Variants in DNM2 observed in about 807,000 individuals in gnomAD.
The protein encoded by DNM2 is dynamin-2.
In DNM2, 15 loss-of-function variants were observed where a neutral mutation model predicts 99.0. That is an observed-to-expected ratio of 0.15 (90% confidence interval 0.10 to 0.23). DNM2 has a LOEUF of 0.23. Among genes scored for constraint, DNM2 ranks in the 10% least tolerant of loss-of-function variants. The pLI, the probability that DNM2 is intolerant of heterozygous loss-of-function variation, is 1.00. For missense variants in DNM2, 742 were observed against 1,189.4 expected (o/e 0.62, Z 5.53); for synonymous variants, 525 against 481.2 (o/e 1.09, Z -1.19).
chr19:10,828,958 G>A (rs948634659), intron 18 of DNM2, 78 bp from the exon 19 acceptor site: 1 of 1,457,574 alleles, frequency 6.9e-7, no homozygotes. Flanking sequence ...CCCTGTGAGA[G>A]ATGTTTTTCC....
rs1438673683 is a variant in DNM2, at chr19:10,801,905, G to A, written c.1423-383G>A. Among the ~76,000 whole-genome samples the A allele has an allele frequency of 7.5e-5, 9 of 120,592 alleles. No homozygotes were observed. In the South Asian group the frequency reaches 2.0e-3, roughly 27 times the overall value. The allele number at this position is 120,592 out of a possible 152,430, so 79.1% of individuals were successfully genotyped here. ...GGGCGACAGAGCAAGACTCCGTCTC[G>A]AAGAAAAAAAAAAAAAAAACAAAAA... is the stretch of plus-strand genomic sequence containing the variant. On this transcript the variant is annotated intron_variant, in intron 11 of 20. Transcript: ENST00000389253.
intron 1 of DNM2, among the ~76,000 whole-genome samples, chr19:10,758,698 C>T (rs2070511319): frequency 6.6e-6 from 1 of 151,382 alleles, no homozygotes; most frequent in Non-Finnish European, 1.5e-5. Context: ...AGGCGTGTGC[C>T]ACCACACTTG....
chr19:10,801,128 A>G (rs1209070141), intron 11 of DNM2, among the ~76,000 whole-genome samples: 1 of 152,076 alleles, frequency 6.6e-6, no homozygotes, highest in Admixed American at 6.5e-5. Context: ...CAACACGGTG[A>G]AAACCCGTCT....
chr19:10,785,111 C>T (rs955881470), intron 6 of DNM2, among the ~76,000 whole-genome samples: 17 of 151,838 alleles, frequency 1.1e-4, no homozygotes, highest in Non-Finnish European at 2.2e-4. Context: ...AGCCACTGTA[C>T]CCATCCCGGC....
intron 12 of DNM2, 127 bp from the exon 13 acceptor site, chr19:10,805,789 G>A (rs1034115905): frequency 1.8e-5 from 20 of 1,122,932 alleles, no homozygotes; most frequent in Non-Finnish European, 2.3e-5. Flanking sequence ...TGTGCAGGGG[G>A]CTTCTCTCTG....
Position 10,811,018 on chromosome 19 carries a change from GATGCCAGGGGTC to G in DNM2, c.1558-1244_1558-1233del, listed in dbSNP as rs1246313244. 1 of 152,468 alleles carries G rather than the reference GATGCCAGGGGTC, an allele frequency of 6.6e-6. No homozygotes were observed. The highest frequency in any genetic ancestry group is 1.5e-5 in the Non-Finnish European group (1 of 68,214). 9.4% of individuals were successfully genotyped at this position (152,468 alleles called of 1,614,324 possible). ...CCACCAGGCAGCCCGTGAATGGCCA[GATGCCAGGGGTC>G]ACTGCCTGCTCCAAACAACTGTGAG... On this transcript the variant is annotated intron_variant, in intron 14 of 20. Transcript: ENST00000389253. The surrounding 1 kb of genome is among the most constrained non-coding windows in gnomAD (Gnocchi z 5.4).
chr19:10,761,592 G>A (rs544135849), intron 2 of DNM2, among the ~76,000 whole-genome samples: 3 of 152,132 alleles, frequency 2.0e-5, no homozygotes, highest in Admixed American at 1.3e-4. Flanking sequence ...GTCTTCTTGC[G>A]GCCCTTTTAA....
chr19:10,801,318 AAAAG>A (rs911485213), intron 11 of DNM2, among the ~76,000 whole-genome samples: 13 of 150,714 alleles, frequency 8.6e-5, no homozygotes, highest in African/African-American at 3.2e-4. Flanking sequence ...AAAAAAAAGA[AAAAG>A]AAAAAAATAC....
At chr19:10,785,331 G>A (rs1266169281) in intron 6 of DNM2, among the ~76,000 whole-genome samples, 1 of 148,526 alleles carries the variant, frequency 6.7e-6, no homozygotes, top group East Asian at 2.0e-4. Flanking sequence ...GTTTCACCGT[G>A]TTAGCTGGGA....
At chr19:10,794,587 C>T (rs2071869708) in intron 8 of DNM2, among the ~76,000 whole-genome samples, 1 of 151,798 alleles carries the variant, frequency 6.6e-6, no homozygotes, top group Non-Finnish European at 1.5e-5. Flanking sequence ...ACTAAAAATA[C>T]AAAAATTATC....
intron 16 of DNM2, among the ~76,000 whole-genome samples, chr19:10,822,355 A>G (rs2073002975): frequency 6.6e-6 from 1 of 151,138 alleles, no homozygotes; most frequent in African/African-American, 2.4e-5. Context: ...ATGCCCAGCT[A>G]ATTTTTGTAT....
chr19:10,729,164 CAAAAAAAAA>C (rs919370114), intron 1 of DNM2, among the ~76,000 whole-genome samples: 654 of 44,422 alleles, frequency 0.015, 8 homozygotes, highest in African/African-American at 0.05. Context: ...GACTCCGTCT[CAAAAAAAAA>C]AAAAAAAAAA....
chr19:10,723,641 G>A (rs2069015616), intron 1 of DNM2, among the ~76,000 whole-genome samples: 1 of 152,228 alleles, frequency 6.6e-6, no homozygotes, highest in African/African-American at 2.4e-5. Flanking sequence ...GAGACAGTTT[G>A]GAGTGCTTGG....
chr19:10,722,836 A>T (rs2068983519), intron 1 of DNM2, among the ~76,000 whole-genome samples: 1 of 151,950 alleles, frequency 6.6e-6, no homozygotes, highest in Admixed American at 6.6e-5. Flanking sequence ...TGTGTTGCCC[A>T]GGCTGGTCTC....
At position 10,772,642 on chromosome 19, in the gene DNM2, G is replaced by T. The variant is rs768651962; in HGVS notation, c.385+14G>T. The stretch of plus-strand genomic sequence containing the variant: ...ACTCGCCACACGGTAGGCAGCACGG[G>T]TGGGGACCCATCACTGACCGTTTCT... On this transcript the variant is annotated intron_variant, in intron 3 of 20. Transcript: ENST00000389253. This position sits in a 1 kb window ranked among gnomAD's most constrained non-coding sequence, Gnocchi z 4.9. 26 of 1,613,818 alleles carry T rather than the reference G, an allele frequency of 1.6e-5. No homozygotes were observed. In the Admixed American group the frequency reaches 4.3e-4, roughly 27 times the overall value.
chr19:10,778,545 A>C (rs1264376641), intron 5 of DNM2, among the ~76,000 whole-genome samples: 2 of 152,058 alleles, frequency 1.3e-5, no homozygotes, highest in Non-Finnish European at 2.9e-5. Flanking sequence ...CCACCTACTT[A>C]AGAGGCTGAG....
At chr19:10,790,453 T>G (rs1568302531) in intron 7 of DNM2, among the ~76,000 whole-genome samples, 1 of 152,162 alleles carries the variant, frequency 6.6e-6, no homozygotes, top group Non-Finnish European at 1.5e-5. Context: ...TCATTTTATT[T>G]TATTTATGTA....
intron 7 of DNM2, among the ~76,000 whole-genome samples, chr19:10,791,409 A>T (rs1181704604): frequency 1.3e-5 from 2 of 152,170 alleles, no homozygotes; most frequent in African/African-American, 4.8e-5. Context: ...TTTTATAAGG[A>T]CACCAGTTAT....
Position 10,830,367 on chromosome 19 carries a change from A to T in DNM2, c.2532A>T (p.Pro844=). 1 of 1,610,560 alleles carries T rather than the reference A, an allele frequency of 6.2e-7. No individual in the cohort carries two copies. Among genetic ancestry groups the T allele is most frequent in the Non-Finnish European group, 8.5e-7 (1 of 1,179,542 alleles). The part of the protein sequence containing the change: ...RPVRIPPGIP[P]GVPSRRPPAA... ...TTCGGATCCCCCCAGGGATTCCCCCAGGAGTGCCCAGGTAAGGCCAACCCC... is the reference window on the plus strand; with the variant it reads ...TTCGGATCCCCCCAGGGATTCCCCCTGGAGTGCCCAGGTAAGGCCAACCCC... The change falls in exon 20 of 21, where the codon CCA becomes CCT. Residue 844 remains proline, a synonymous_variant. Coordinates refer to ENST00000389253, the MANE Select transcript of DNM2 (RefSeq NM_001005361.3). This position sits in a 1 kb window ranked among gnomAD's most constrained non-coding sequence, Gnocchi z 4.8.
Sources: gnomAD v4.1 joint callset for allele counts (sites outside exome capture counted in the v4.1 genomes callset) on GRCh38, gnomAD v4.1.1 for gene constraint, Gnocchi (gnomAD v3.1) non-coding constraint, MANE v1.5 for transcripts, NCBI Gene and HGNC (gene_info 2026-07-23, HGNC 2026-07-21) for gene names.